Variants in HAUS6 observed in about 807,000 individuals in gnomAD.
HAUS6 encodes the protein HAUS augmin like complex subunit 6.
HAUS6 carries 80 observed loss-of-function variants against 106.8 expected under a neutral mutation model. The ratio of observed to expected loss-of-function variants is 0.75; its 90% CI spans 0.63 to 0.90. The LOEUF (loss-of-function observed/expected upper bound fraction) is 0.90. Ranked by LOEUF, HAUS6 falls within the 40% of genes least tolerant of loss-of-function variation. The pLI is 0.00. For missense variants in HAUS6, 1,155 were observed against 1,118.1 expected, an observed-to-expected ratio of 1.03 and a Z score of -0.47; for synonymous variants, 356 against 379.1, an observed-to-expected ratio of 0.94 and a Z score of 0.71.
In HAUS6 at chr9:19,093,318, A is replaced by G; in HGVS notation, c.304-15T>C. 1 of 1,588,614 alleles carries G rather than the reference A, an allele frequency of 6.3e-7. No homozygotes were observed. Among genetic ancestry groups the G allele is most frequent in the Non-Finnish European group, 8.6e-7 (1 of 1,167,550 alleles). On this transcript the variant is annotated splice_polypyrimidine_tract_variant and intron_variant, in intron 3 of 16. Transcript: ENST00000380502. The stretch of plus-strand genomic sequence containing the variant: ...CCACATTCACCCTATGAAGAAAAGA[A>G]ATAAGATGATTTGAAGACCTTGTTA...
Position 19,093,449 on chromosome 9 carries a change from G to T in HAUS6, c.304-146C>A, listed in dbSNP as rs578132465. On this transcript the variant is annotated intron_variant, in intron 3 of 16. Transcript: ENST00000380502. The stretch of plus-strand genomic sequence containing the variant: ...AGTACTATGCTATAGGTTGGCGTGG[G>T]GTTCCCTAGGACCTCTTCATAGCAC... 4.2e-6 allele frequency: 3 copies of T among 720,216 alleles called. No homozygotes were observed. The East Asian group carries it at 8.1e-5, about 19-fold the overall frequency. 44.6% of individuals were successfully genotyped at this position (720,216 alleles called of 1,614,324 possible).
intron 10 of HAUS6, among the ~76,000 whole-genome samples, chr9:19,077,649 T>A (rs1837040891): frequency 1.3e-5 from 2 of 152,172 alleles, no homozygotes; most frequent in African/African-American, 4.8e-5. Flanking sequence ...TTAGAAAAAT[T>A]ACAGAAACCA....
intron 7 of HAUS6, among the ~76,000 whole-genome samples, chr9:19,084,509 G>A (rs1241934562): frequency 6.6e-6 from 1 of 152,114 alleles, no homozygotes; most frequent in Non-Finnish European, 1.5e-5. Flanking sequence ...TTGTATATAT[G>A]TTATGCATTA....
chr9:19,063,821 A>T, intron 12 of HAUS6: 1 of 681,856 alleles, frequency 1.5e-6, no homozygotes, highest in African/African-American at 1.8e-5. Context: ...TACTGAGTCA[A>T]CAATATTTTG....
intron 11 of HAUS6, among the ~76,000 whole-genome samples, chr9:19,073,565 C>A (rs1333756780): frequency 2.0e-5 from 3 of 148,368 alleles, no homozygotes; most frequent in Non-Finnish European, 4.4e-5. Context: ...CTAATCCTGG[C>A]AAGAGTGCAA....
chr9:19,082,808 G>A, intron 8 of HAUS6, 65 bp downstream of exon 8: 1 of 813,738 alleles, frequency 1.2e-6, no homozygotes, highest in Non-Finnish European at 1.8e-6. Context: ...GAAGAACATT[G>A]CAAGAAAATA....
In HAUS6 at chr9:19,102,597, G is replaced by A; in HGVS notation, c.55C>T (p.Gln19Ter). Reference protein sequence around the residue: ...FEKEHLWMYLQALGFEPGPAT... With the variant: ...FEKEHLWMYL ...GGGCCTGGCTCGAAGCCGAGCGCCT[G>A]CAGATACATCCAGAGATGCTCCTTC... is the stretch of plus-strand genomic sequence containing the variant. Residue 19 changes from glutamine to a stop codon, truncating the protein, a stop_gained, in exon 1 of 17, where the codon CAG becomes TAG. Coordinates refer to ENST00000380502, the MANE Select transcript of HAUS6 (RefSeq NM_017645.5). LOFTEE classifies it high-confidence loss of function. 6.2e-7 allele frequency: 1 copy of A among 1,613,876 alleles called. No individual in the cohort carries two copies. The highest frequency in any genetic ancestry group is 8.5e-7 in the Non-Finnish European group (1 of 1,179,888).
chr9:19,089,844 T>C (rs1047181412), intron 4 of HAUS6, among the ~76,000 whole-genome samples: 2 of 152,082 alleles, frequency 1.3e-5, no homozygotes, highest in African/African-American at 4.8e-5. Context: ...TTTTGGGTTG[T>C]TTTTTTGAGA....
intron 1 of HAUS6, among the ~76,000 whole-genome samples, chr9:19,099,788 G>A (rs1045966857): frequency 6.6e-6 from 1 of 152,184 alleles, no homozygotes; most frequent in Non-Finnish European, 1.5e-5. Flanking sequence ...AGTGGCTCAT[G>A]TCTGTAATCC....
chr9:19,072,881 T>A (rs1047901507), intron 11 of HAUS6, among the ~76,000 whole-genome samples: 2 of 152,076 alleles, frequency 1.3e-5, no homozygotes, highest in African/African-American at 4.8e-5. Flanking sequence ...TATTCTAGAA[T>A]AAAAGTTACT....
At chr9:19,098,813 G>A (rs1179615379) in intron 1 of HAUS6, among the ~76,000 whole-genome samples, 5 of 151,912 alleles carry the variant, frequency 3.3e-5, no homozygotes, top group Admixed American at 6.6e-5. Flanking sequence ...ACCTGAGGTC[G>A]GGAGTTCGAG....
intron 12 of HAUS6, among the ~76,000 whole-genome samples, chr9:19,069,187 G>A (rs930999171): frequency 2.6e-5 from 4 of 151,988 alleles, no homozygotes; most frequent in Admixed American, 1.3e-4. Context: ...GATCTCAAAG[G>A]CCCCCAAACA....
At chr9:19,102,132 A>G (rs1332170508) in intron 1 of HAUS6, among the ~76,000 whole-genome samples, 1 of 152,106 alleles carries the variant, frequency 6.6e-6, no homozygotes. Context: ...AAATTAAACA[A>G]CCACCTTCAA....
In HAUS6 at chr9:19,059,797, AT is replaced by A. The variant is rs907945200; in HGVS notation, c.1765+290del. On this transcript the variant is annotated intron_variant, in intron 15 of 16. Transcript: ENST00000380502. ...CACAGGTCAGACCAGGAGGCAAGAG[AT>A]TTTTTTTTTTAAATGCTCAAATAAG... Among the ~76,000 whole-genome samples the A allele has an allele frequency of 3.2e-4, 48 of 149,654 alleles. 1 individual carries two copies. Among genetic ancestry groups the A allele is most frequent in the South Asian group, 1.7e-3 (8 of 4,722 alleles).
chr9:19,081,316 T>C, intron 8 of HAUS6, among the ~76,000 whole-genome samples: 1 of 152,214 alleles, frequency 6.6e-6, no homozygotes, highest in Non-Finnish European at 1.5e-5. Context: ...CATAAATTCA[T>C]TTTTTAACAG....
chr9:19,060,289 C>G lies in HAUS6; in HGVS notation c.1630-66G>C, dbSNP rs1005082551. 5 of 1,285,668 alleles carry G rather than the reference C, an allele frequency of 3.9e-6. No homozygotes were observed. The East Asian group carries it at 7.6e-5, about 20-fold the overall frequency. 79.6% of individuals were successfully genotyped at this position (1,285,668 alleles called of 1,614,324 possible). On this transcript the variant is annotated intron_variant, in intron 14 of 16. Coordinates refer to ENST00000380502, the MANE Select transcript of HAUS6 (RefSeq NM_017645.5). ...CCATTGGTAGAATGCAACAAAACCC[C>G]TGATAAGGATAATAAGCACTTCACA...
At chr9:19,081,150 C>G (rs769433219) in intron 8 of HAUS6, among the ~76,000 whole-genome samples, 1 of 151,728 alleles carries the variant, frequency 6.6e-6, no homozygotes, top group Non-Finnish European at 1.5e-5. Context: ...ATAATTTTGG[C>G]CCAGTGAAAA....
intron 12 of HAUS6, among the ~76,000 whole-genome samples, chr9:19,066,618 A>G (rs1836765299): frequency 6.6e-6 from 1 of 152,114 alleles, no homozygotes; most frequent in South Asian, 2.1e-4. Flanking sequence ...AAAGAATGCT[A>G]ATGCTCACAG....
rs1308665714 is a variant in HAUS6 at position 19,055,465 on chromosome 9, C to T, written c.*878G>A. 1 of 152,080 alleles carries T rather than the reference C, an allele frequency of 6.6e-6. No individual in the cohort carries two copies. Among genetic ancestry groups the T allele is most frequent in the African/African-American group, 2.4e-5 (1 of 41,380 alleles). 9.4% of individuals were successfully genotyped at this position (152,080 alleles called of 1,614,324 possible). ...GCTATTCTGTAGGGACTGGGGGATT[C>T]TGATGGTTGTTCCTTGTTCCTTTCC... On this transcript the variant is annotated 3_prime_UTR_variant, in exon 17 of 17. Transcript: ENST00000380502.
Sources: gnomAD v4.1 joint callset for allele counts (sites outside exome capture counted in the v4.1 genomes callset) on GRCh38, gnomAD v4.1.1 for gene constraint, MANE v1.5 for transcripts, NCBI Gene and HGNC (gene_info 2026-07-23, HGNC 2026-07-21) for gene names.